Variants in BMPR1B observed in about 807,000 individuals in gnomAD.
BMPR1B encodes bone morphogenetic protein receptor type-1B.
A neutral mutation model predicts 59.1 loss-of-function variants in BMPR1B; 12 were observed. That is an observed-to-expected ratio of 0.20 (90% confidence interval 0.13 to 0.33). The LOEUF is 0.33. Among genes scored for constraint, BMPR1B ranks in the 10% least tolerant of loss-of-function variants. BMPR1B has a pLI of 1.00. For missense variants in BMPR1B, 550 were observed against 610.9 expected, an observed-to-expected ratio of 0.90 and a Z score of 1.05; for synonymous variants, 237 against 207.3, an observed-to-expected ratio of 1.14 and a Z score of -1.23.
At chr4:94,773,442 A>G (rs1722256828) in intron 1 of BMPR1B, among the ~76,000 whole-genome samples, 1 of 152,110 alleles carries the variant, frequency 6.6e-6, no homozygotes, top group Admixed American at 6.5e-5. Flanking sequence ...ACTGATACGT[A>G]CAAATCTAAT....
chr4:94,956,115 G>C (rs1730132762), intron 2 of BMPR1B, among the ~76,000 whole-genome samples: 1 of 152,144 alleles, frequency 6.6e-6, no homozygotes, highest in Non-Finnish European at 1.5e-5. Flanking sequence ...CTTACGTTTT[G>C]AAATTATAGT....
intron 10 of BMPR1B, among the ~76,000 whole-genome samples, chr4:95,142,575 T>C (rs1273626570): frequency 2.0e-5 from 3 of 152,076 alleles, no homozygotes; most frequent in Non-Finnish European, 4.4e-5. Flanking sequence ...ACCTTCCTAC[T>C]TCCTCTCTTT....
At chr4:94,849,756 G>A (rs1725492344) in intron 1 of BMPR1B, among the ~76,000 whole-genome samples, 1 of 151,282 alleles carries the variant, frequency 6.6e-6, no homozygotes, top group Non-Finnish European at 1.5e-5. Context: ...TTGGTAATTA[G>A]ATGTGATGGG....
intron 10 of BMPR1B, among the ~76,000 whole-genome samples, chr4:95,144,748 CT>C (rs1434870426): frequency 6.6e-6 from 1 of 152,054 alleles, no homozygotes; most frequent in Non-Finnish European, 1.5e-5. Context: ...TAATAATGAC[CT>C]CTTTGTGCAC....
intron 6 of BMPR1B, among the ~76,000 whole-genome samples, chr4:95,117,731 C>T (rs7441170): frequency 4.6e-5 from 7 of 152,068 alleles, no homozygotes; most frequent in Middle Eastern, 3.4e-3. Flanking sequence ...CATTACATTG[C>T]GCTACAGTCC....
chr4:94,924,047 G>A (rs1728796861), intron 2 of BMPR1B, among the ~76,000 whole-genome samples: 1 of 152,056 alleles, frequency 6.6e-6, no homozygotes, highest in South Asian at 2.1e-4. Context: ...GGACTGTGAT[G>A]TTCTCTTTCA....
intron 3 of BMPR1B, among the ~76,000 whole-genome samples, chr4:95,045,361 A>G (rs1725966478): frequency 6.6e-6 from 1 of 152,206 alleles, no homozygotes; most frequent in African/African-American, 2.4e-5. Context: ...GCTTACCTCC[A>G]GAAATGAAGA....
chr4:94,838,228 G>T, intron 1 of BMPR1B, among the ~76,000 whole-genome samples: 1 of 77,176 alleles, frequency 1.3e-5, no homozygotes, highest in South Asian at 5.8e-4. Context: ...CTCTTTTTTG[G>T]TTGTGTCTCT....
intron 3 of BMPR1B, among the ~76,000 whole-genome samples, chr4:95,011,517 C>T (rs974969321): frequency 1.3e-5 from 2 of 152,244 alleles, no homozygotes; most frequent in Middle Eastern, 6.8e-3. Flanking sequence ...GCTGTCATGT[C>T]TAATTTCTAG....
At chr4:94,885,469 C>A (rs1419011100) in intron 2 of BMPR1B, among the ~76,000 whole-genome samples, 1 of 152,092 alleles carries the variant, frequency 6.6e-6, no homozygotes, top group Non-Finnish European at 1.5e-5. Context: ...GTTTTAAAAA[C>A]CATTATAACA....
intron 3 of BMPR1B, among the ~76,000 whole-genome samples, chr4:95,042,835 A>G (rs549824207): frequency 6.6e-6 from 1 of 152,248 alleles, no homozygotes; most frequent in Admixed American, 6.5e-5. Flanking sequence ...CTTGCCTGAG[A>G]TAGTCATATT....
intron 1 of BMPR1B, among the ~76,000 whole-genome samples, chr4:94,781,220 A>C (rs184745811): frequency 6.6e-6 from 1 of 152,200 alleles, no homozygotes; most frequent in East Asian, 1.9e-4. Flanking sequence ...AGGTTTTCTA[A>C]ATATATGTCT....
chr4:94,891,069 A>G (rs17022471), intron 2 of BMPR1B, among the ~76,000 whole-genome samples: 33,597 of 152,036 alleles, frequency 0.22, 4,185 homozygotes, highest in African/African-American at 0.33. Flanking sequence ...TTTGTTGTCT[A>G]TATCTTCTCA....
chr4:94,945,132 G>C (rs1560560484), intron 2 of BMPR1B, among the ~76,000 whole-genome samples: 1 of 152,130 alleles, frequency 6.6e-6, no homozygotes, highest in East Asian at 1.9e-4. Context: ...TGGCTAAGAA[G>C]GTTTTCTTTA....
chr4:95,128,373 G>C (rs1733057181), intron 8 of BMPR1B, among the ~76,000 whole-genome samples: 2 of 152,290 alleles, frequency 1.3e-5, no homozygotes, highest in Admixed American at 6.5e-5. Context: ...CCAGTTTGCT[G>C]ATCAGGTGTT....
chr4:94,906,385 C>T (rs1365381797), intron 2 of BMPR1B, among the ~76,000 whole-genome samples: 3 of 152,068 alleles, frequency 2.0e-5, no homozygotes, highest in East Asian at 3.9e-4. Flanking sequence ...TCAGACCACA[C>T]ATTTATTCGT....
At chr4:94,967,268 A>G (rs896131625) in intron 2 of BMPR1B, among the ~76,000 whole-genome samples, 21 of 152,170 alleles carry the variant, frequency 1.4e-4, no homozygotes, top group Non-Finnish European at 1.3e-4. Context: ...TTCTTAGGGT[A>G]ATGATTGATG....
At chr4:94,815,479 TTTTG>T in intron 1 of BMPR1B, among the ~76,000 whole-genome samples, 1 of 152,326 alleles carries the variant, frequency 6.6e-6, no homozygotes, top group South Asian at 2.1e-4. Context: ...AGGATATGCT[TTTTG>T]TTCTGGAAAC....
At chr4:94,979,219 A>C (rs990516492) in intron 2 of BMPR1B, among the ~76,000 whole-genome samples, 6 of 152,188 alleles carry the variant, frequency 3.9e-5, no homozygotes, top group African/African-American at 1.4e-4. Flanking sequence ...CCATATCACC[A>C]TCTTTGCAAA....
Sources: allele counts gnomAD v4.1 joint callset (sites outside exome capture counted in the v4.1 genomes callset), GRCh38; gene constraint gnomAD v4.1.1; transcripts MANE v1.5; gene names NCBI Gene and HGNC (gene_info 2026-07-23, HGNC 2026-07-21).